Variants in KCNH7 observed in about 807,000 individuals in gnomAD.
KCNH7 encodes potassium voltage-gated channel subfamily H member 7, also known as voltage-gated inwardly rectifying potassium channel KCNH7.
A neutral mutation model predicts 120.8 loss-of-function variants in KCNH7; 49 were observed. The ratio of observed to expected loss-of-function variants is 0.41; its 90% CI spans 0.32 to 0.51. KCNH7 has a LOEUF of 0.51. Among genes scored for constraint, KCNH7 ranks in the 20% least tolerant of loss-of-function variants. KCNH7 has a pLI of 0.38. For missense variants in KCNH7, 1,097 were observed against 1,446.6 expected, an observed-to-expected ratio of 0.76 and a Z score of 3.92; for synonymous variants, 547 against 516.1, an observed-to-expected ratio of 1.06 and a Z score of -0.81.
At chr2:162,591,554 ATAGTGGTGCAAT>A (rs1292432361) in intron 2 of KCNH7, among the ~76,000 whole-genome samples, 2 of 152,074 alleles carry the variant, frequency 1.3e-5, no homozygotes, top group Non-Finnish European at 2.9e-5. Context: ...AAGTACCTTC[ATAGTGGTGCAAT>A]TAATTTGCAT....
intron 2 of KCNH7, among the ~76,000 whole-genome samples, chr2:162,565,751 G>A (rs1041946532): frequency 2.0e-5 from 3 of 151,984 alleles, no homozygotes; most frequent in African/African-American, 7.2e-5. Context: ...TATTTATAAA[G>A]TTTCACCATC....
intron 2 of KCNH7, among the ~76,000 whole-genome samples, chr2:162,692,329 G>A (rs556820367): frequency 6.6e-6 from 1 of 152,114 alleles, no homozygotes; most frequent in African/African-American, 2.4e-5. Context: ...GTTTCACCAT[G>A]TTCACCAGGA....
chr2:162,809,275 A>T (rs1463657172), intron 2 of KCNH7, among the ~76,000 whole-genome samples: 1 of 152,212 alleles, frequency 6.6e-6, no homozygotes, highest in African/African-American at 2.4e-5. Context: ...GAATAAAAAC[A>T]TTAAAATTGT....
intron 7 of KCNH7, among the ~76,000 whole-genome samples, chr2:162,444,146 G>T (rs1240577753): frequency 6.6e-6 from 1 of 152,024 alleles, no homozygotes; most frequent in Non-Finnish European, 1.5e-5. Context: ...AAACCTTTCT[G>T]CACTGTGTTT....
intron 2 of KCNH7, among the ~76,000 whole-genome samples, chr2:162,655,688 G>A (rs1169357688): frequency 3.3e-5 from 5 of 152,238 alleles, no homozygotes; most frequent in South Asian, 2.1e-4. Context: ...AGCTACTTCG[G>A]AGGCTGAGGT....
At chr2:162,578,786 T>C (rs1197550589) in intron 2 of KCNH7, among the ~76,000 whole-genome samples, 2 of 151,984 alleles carry the variant, frequency 1.3e-5, no homozygotes, top group African/African-American at 4.8e-5. Context: ...CTATTTCCCT[T>C]GATAAGCATC....
At chr2:162,479,214 A>G (rs1689846494) in intron 6 of KCNH7, among the ~76,000 whole-genome samples, 1 of 150,398 alleles carries the variant, frequency 6.6e-6, no homozygotes, top group African/African-American at 2.4e-5. Flanking sequence ...GCTTGAATAT[A>G]TCTTATATTC....
chr2:162,808,130 A>G (rs1684614087), intron 2 of KCNH7, among the ~76,000 whole-genome samples: 1 of 152,196 alleles, frequency 6.6e-6, no homozygotes, highest in African/African-American at 2.4e-5. Context: ...ACCTACACAC[A>G]TCTCCTGTAT....
intron 3 of KCNH7, among the ~76,000 whole-genome samples, chr2:162,533,418 A>G (rs1449731018): frequency 6.6e-6 from 1 of 151,766 alleles, no homozygotes; most frequent in East Asian, 1.9e-4. Context: ...TTGCATAAAA[A>G]CAGCACACTG....
intron 6 of KCNH7, among the ~76,000 whole-genome samples, chr2:162,498,086 T>C (rs747376529): frequency 1.3e-5 from 2 of 152,118 alleles, no homozygotes; most frequent in Admixed American, 6.6e-5. Context: ...TGTGGACTAG[T>C]AGTAAATTTT....
At chr2:162,448,715 T>A (rs907032707) in intron 6 of KCNH7, among the ~76,000 whole-genome samples, 6 of 152,176 alleles carry the variant, frequency 3.9e-5, no homozygotes, top group South Asian at 4.1e-4. Flanking sequence ...TGGCTGAAAC[T>A]CTTTCCATCC....
intron 2 of KCNH7, among the ~76,000 whole-genome samples, chr2:162,652,351 A>C (rs1471613269): frequency 6.6e-6 from 1 of 152,184 alleles, no homozygotes; most frequent in African/African-American, 2.4e-5. Flanking sequence ...TTTGAAAAAC[A>C]AGTATACAGA....
intron 7 of KCNH7, among the ~76,000 whole-genome samples, chr2:162,441,996 C>CTTGTTTT (rs1558947048): frequency 6.9e-5 from 1 of 14,542 alleles, no homozygotes; most frequent in African/African-American, 2.0e-4. Flanking sequence ...ATAGTTAGGT[C>CTTGTTTT]TTCTTTTTTT....
intron 14 of KCNH7, among the ~76,000 whole-genome samples, chr2:162,375,798 G>C (rs1360536373): frequency 6.6e-6 from 1 of 151,396 alleles, no homozygotes; most frequent in African/African-American, 2.4e-5. Context: ...TGTGGTCCCG[G>C]CTACTCAGGA....
chr2:162,627,682 G>T (rs548985065), intron 2 of KCNH7, among the ~76,000 whole-genome samples: 7 of 152,222 alleles, frequency 4.6e-5, no homozygotes, highest in South Asian at 4.2e-4. Context: ...AACTTGTGGT[G>T]GCTCAGTGGT....
At chr2:162,536,140 G>A (rs1335787458) in intron 3 of KCNH7, among the ~76,000 whole-genome samples, 1 of 151,754 alleles carries the variant, frequency 6.6e-6, no homozygotes, top group East Asian at 1.9e-4. Flanking sequence ...TGCAATAAAG[G>A]AAAGGGTTAT....
intron 2 of KCNH7, among the ~76,000 whole-genome samples, chr2:162,538,607 G>T (rs998609297): frequency 6.6e-6 from 1 of 152,026 alleles, no homozygotes; most frequent in East Asian, 1.9e-4. Context: ...GGTGACCTAT[G>T]TAAGCTCTAA....
intron 2 of KCNH7, among the ~76,000 whole-genome samples, chr2:162,649,990 C>T (rs1383788709): frequency 6.6e-6 from 1 of 152,140 alleles, no homozygotes; most frequent in Admixed American, 6.6e-5. Flanking sequence ...TGAAGAAAAA[C>T]AGTTGCTTCC....
At chr2:162,804,648 A>G (rs305667) in intron 2 of KCNH7, among the ~76,000 whole-genome samples, 4,215 of 152,176 alleles carry the variant, frequency 0.028, 87 homozygotes, top group East Asian at 0.086. Context: ...GGAAGAATCA[A>G]TATTGTGAAA....
Sources: gnomAD v4.1 joint callset for allele counts (sites outside exome capture counted in the v4.1 genomes callset) on GRCh38, gnomAD v4.1.1 for gene constraint, MANE v1.5 for transcripts, NCBI Gene and HGNC (gene_info 2026-07-23, HGNC 2026-07-21) for gene names.